ANXA8: variants seen among roughly 807,000 people sequenced by gnomAD.
The protein encoded by ANXA8 is VAC-beta.
In ANXA8, 9 loss-of-function variants were observed where a neutral mutation model predicts 26.8. That is an observed-to-expected ratio of 0.34 (90% CI 0.20 to 0.59). The LOEUF is 0.59. Among genes scored for constraint, ANXA8 ranks in the 20% least tolerant of loss-of-function variants. The pLI, the probability that ANXA8 is intolerant of heterozygous loss-of-function variation, is 0.84. For missense variants in ANXA8, 83 were observed against 238.5 expected, an observed-to-expected ratio of 0.35 and a Z score of 4.29; for synonymous variants, 39 against 94.8, an observed-to-expected ratio of 0.41 and a Z score of 3.42.
chr10:47,653,641 A>G, the ANXA8 span, among the ~76,000 whole-genome samples: 3 of 149,636 alleles, frequency 2.0e-5, no homozygotes, highest in Non-Finnish European at 4.4e-5. Flanking sequence ...GTTATAAGTC[A>G]TATTTATTTA....
the ANXA8 span, among the ~76,000 whole-genome samples, chr10:47,971,675 G>A: frequency 1.7e-5 from 1 of 60,028 alleles, no homozygotes; most frequent in South Asian, 6.5e-4. Flanking sequence ...GTGGGCCAGT[G>A]AGGATTTGGG....
At chr10:47,507,587 T>G in the ANXA8 span, 4 of 1,530,724 alleles carry the variant, frequency 2.6e-6, 1 homozygote, top group Middle Eastern at 3.7e-4. Flanking sequence ...GGTCACACTG[T>G]GGAAGGAAAA....
the ANXA8 span, among the ~76,000 whole-genome samples, chr10:47,977,840 A>C: frequency 6.6e-6 from 1 of 151,322 alleles, no homozygotes; most frequent in Non-Finnish European, 1.5e-5. Flanking sequence ...CAATATGTAT[A>C]TAATGAGAAT....
chr10:47,482,214 C>T (rs1194988643), intron 1 of ANXA8, among the ~76,000 whole-genome samples: 2 of 130,498 alleles, frequency 1.5e-5, no homozygotes, highest in Non-Finnish European at 3.1e-5. Flanking sequence ...GAACTTGCTA[C>T]CCCTAGCCAG....
chr10:47,548,338 G>C, the ANXA8 span, among the ~76,000 whole-genome samples: 1 of 132,304 alleles, frequency 7.6e-6, no homozygotes, highest in Non-Finnish European at 1.6e-5. Flanking sequence ...TTTCACTCTT[G>C]TTGCCCAGGC....
the ANXA8 span, chr10:47,581,506 G>T: frequency 1.8e-5 from 10 of 549,118 alleles, no homozygotes; most frequent in Admixed American, 1.9e-4. Flanking sequence ...TGTTTCCCTT[G>T]GCTGTATTCC....
At chr10:47,590,691 G>T in the ANXA8 span, among the ~76,000 whole-genome samples, 1 of 145,526 alleles carries the variant, frequency 6.9e-6, no homozygotes, top group Non-Finnish European at 1.5e-5. Context: ...TAGAGCTGAT[G>T]ATAAAACCTA....
At chr10:47,947,077 C>G in the ANXA8 span, among the ~76,000 whole-genome samples, 1 of 145,022 alleles carries the variant, frequency 6.9e-6, no homozygotes, top group East Asian at 2.3e-4. Flanking sequence ...GTCAAGCAGC[C>G]CTGGCCTGCA....
At chr10:47,743,317 T>C in the ANXA8 span, among the ~76,000 whole-genome samples, 163 of 40,834 alleles carry the variant, frequency 4.0e-3, 5 homozygotes, top group African/African-American at 9.8e-3. Context: ...TATATACACA[T>C]ATATATATAT....
chr10:47,727,064 G>A, the ANXA8 span: 3 of 846,348 alleles, frequency 3.5e-6, no homozygotes, highest in Non-Finnish European at 6.1e-6. Context: ...CTGTCCATAT[G>A]AAAACAGAAG....
At chr10:47,909,805 CT>C in the ANXA8 span, among the ~76,000 whole-genome samples, 4 of 146,268 alleles carry the variant, frequency 2.7e-5, no homozygotes, top group Non-Finnish European at 6.0e-5. Flanking sequence ...TTCTGTGGCT[CT>C]TTTTTACTCA....
chr10:47,985,177 T>C, the ANXA8 span, among the ~76,000 whole-genome samples: 1 of 149,870 alleles, frequency 6.7e-6, no homozygotes, highest in African/African-American at 2.5e-5. Flanking sequence ...AAGAGACATT[T>C]CATGGCCGAG....
chr10:47,591,736 G>A, the ANXA8 span, among the ~76,000 whole-genome samples: 277 of 126,360 alleles, frequency 2.2e-3, 19 homozygotes, highest in African/African-American at 8.9e-3. Context: ...ATAAGCTACC[G>A]TGCCCAGCCA....
chr10:47,474,847 G>T lies in ANXA8; in HGVS notation c.552+98C>A, dbSNP rs1839460576. On this transcript the variant is annotated intron_variant, in intron 7 of 11. Coordinates refer to ENST00000585281, the MANE Select transcript of ANXA8 (RefSeq NM_001040084.3). ...GGCCTATAGGGAGCTGAGCTGGGTG[G>T]GTCCCAGCCCAGTGTCAGAGAAAGC... is the stretch of plus-strand genomic sequence containing the variant. 6.3e-6 allele frequency: 9 copies of T among 1,419,562 alleles called. 1 individual carries two copies. The highest frequency in any genetic ancestry group is 8.6e-6 in the Non-Finnish European group (9 of 1,042,918). The allele number at this position is 1,419,562 out of a possible 1,614,324, so 87.9% of individuals were successfully genotyped here.
the ANXA8 span, among the ~76,000 whole-genome samples, chr10:47,960,079 AC>A: frequency 1.3e-5 from 2 of 148,726 alleles, 1 homozygote; most frequent in Non-Finnish European, 3.0e-5. Flanking sequence ...ACCCCACACA[AC>A]AACTGCCTGG....
chr10:47,768,898 G>T, the ANXA8 span, among the ~76,000 whole-genome samples: 1 of 150,830 alleles, frequency 6.6e-6, no homozygotes, highest in Non-Finnish European at 1.5e-5. Flanking sequence ...CACGCCACTG[G>T]TAGTGCGAGT....
At chr10:47,735,375 G>A in the ANXA8 span, among the ~76,000 whole-genome samples, 61 of 147,952 alleles carry the variant, frequency 4.1e-4, no homozygotes, top group African/African-American at 1.3e-3. Flanking sequence ...GACTATAGGC[G>A]TGAGCCACTG....
At chr10:47,669,917 G>C in the ANXA8 span, among the ~76,000 whole-genome samples, 1 of 151,658 alleles carries the variant, frequency 6.6e-6, no homozygotes, top group East Asian at 1.9e-4. Context: ...GTGACATTAA[G>C]TACATTCACA....
the ANXA8 span, among the ~76,000 whole-genome samples, chr10:47,529,408 A>G: frequency 1.3e-5 from 2 of 149,522 alleles, no homozygotes; most frequent in African/African-American, 2.5e-5. Context: ...TGTAAAAGTG[A>G]TTTTTCATGG....
Sources: gnomAD v4.1 joint callset for allele counts (sites outside exome capture counted in the v4.1 genomes callset) on GRCh38, gnomAD v4.1.1 for gene constraint, MANE v1.5 for transcripts, NCBI Gene and HGNC (gene_info 2026-07-23, HGNC 2026-07-21) for gene names.